NXNL2: variants seen among roughly 807,000 people sequenced by gnomAD.
NXNL2 encodes nucleoredoxin like 2.
Under a neutral mutation model 11.1 loss-of-function variants are expected in NXNL2, and 7 were observed. The observed-to-expected ratio is 0.63, with a 90% confidence interval of 0.36 to 1.18. NXNL2 has a LOEUF of 1.18. Among genes scored for constraint, NXNL2 ranks in the 50% most tolerant of loss-of-function variants. The pLI is 0.02. For synonymous variants in NXNL2, 109 were observed against 101.8 expected (o/e 1.07, Z -0.42); for missense variants, 233 against 217.7 (o/e 1.07, Z -0.44).
At chr9:88,578,350 C>T (rs1432910382), downstream of NXNL2, among the ~76,000 whole-genome samples, 2 of 152,158 alleles carry the variant, frequency 1.3e-5, no homozygotes, top group Non-Finnish European at 2.9e-5. Context: ...TGGAGTGGTC[C>T]GTGACACCTG....
chr9:88,535,504 C>G lies in NXNL2; in HGVS notation c.70C>G (p.Leu24Val), dbSNP rs1164806783. 6.2e-7 allele frequency: 1 copy of G among 1,610,328 alleles called. No individual in the cohort carries two copies. The highest frequency in any genetic ancestry group is 1.3e-5 in the African/African-American group (1 of 74,978). ...CGCGACGGTGGAGGCCGAGGCGGCG[C>G]TGCAGAACAAGGTGGTGGCACTGTA... is the stretch of plus-strand genomic sequence containing the variant. ...KGATVEAEAA[L>V]QNKVVALYFA... Residue 24 changes from leucine (L) to valine (V), a missense_variant, in exon 1 of 2, where the codon CTG (leucine) becomes GTG (valine). Physicochemically the swap from Leu to Val is conservative, Grantham distance 32. Transcript: ENST00000375854.
Position 88,583,144 on chromosome 9 carries a change from C to T in NXNL2, n.552-855C>T, listed in dbSNP as rs566975462. Among the ~76,000 whole-genome samples, 93 of 152,294 alleles carry T rather than the reference C, an allele frequency of 6.1e-4. 2 individuals are homozygous for T. The South Asian group carries it at 0.013, about 21-fold the overall frequency. On this transcript the variant is annotated intron_variant and non_coding_transcript_variant, in intron 1 of 1. Coordinates refer to the NXNL2 transcript ENST00000478686. ...GTGGCCTCTTATCCCCTGGCAGGCCCGACTGGGCTCATTCCCATGGTGGTT... is the reference window on the plus strand; with the variant it reads ...GTGGCCTCTTATCCCCTGGCAGGCCTGACTGGGCTCATTCCCATGGTGGTT...
chr9:88,565,564 C>A (rs1211217782), intron 1 of NXNL2, among the ~76,000 whole-genome samples: 1 of 152,074 alleles, frequency 6.6e-6, no homozygotes, highest in Non-Finnish European at 1.5e-5. Context: ...GAGACAGAGT[C>A]CTTCTCTGTC....
At chr9:88,579,805 C>G (rs1830389533), downstream of NXNL2, among the ~76,000 whole-genome samples, 1 of 152,118 alleles carries the variant, frequency 6.6e-6, no homozygotes. Context: ...ATGGCTATCT[C>G]TTAACCTTCT....
chr9:88,544,666 A>G lies in NXNL2; in HGVS notation c.*119A>G. 1.4e-6 allele frequency: 2 copies of G among 1,430,344 alleles called. No homozygotes were observed. The highest frequency in any genetic ancestry group is 1.8e-6 in the Non-Finnish European group (2 of 1,091,086). 88.6% of individuals were successfully genotyped at this position (1,430,344 alleles called of 1,614,324 possible). On this transcript the variant is annotated 3_prime_UTR_variant, in exon 2 of 2. Transcript: ENST00000375854. ...GTGTGATTTCATTGTATTTCAGAGC[A>G]GAAGCACTAAGCTGTGGTCAAAAAG...
chr9:88,536,073 C>T (rs898441037), intron 1 of NXNL2, among the ~76,000 whole-genome samples: 8 of 152,162 alleles, frequency 5.3e-5, no homozygotes, highest in Non-Finnish European at 1.2e-4. Context: ...TGTGAGTTCG[C>T]GGGCTCGGCT....
downstream of NXNL2, chr9:88,545,010 AG>A (rs1829828534): frequency 4.4e-6 from 2 of 459,516 alleles, no homozygotes; most frequent in South Asian, 1.9e-4. Context: ...ATTCCATTCC[AG>A]GTGCCAGTAG....
At chr9:88,540,347 A>T (rs963062558) in intron 1 of NXNL2, among the ~76,000 whole-genome samples, 2 of 150,070 alleles carry the variant, frequency 1.3e-5, no homozygotes, top group African/African-American at 5.0e-5. Context: ...AAAAAAAAAA[A>T]TAGGTGTTGT....
chr9:88,579,921 G>T (rs1395565294), downstream of NXNL2, among the ~76,000 whole-genome samples: 3 of 152,050 alleles, frequency 2.0e-5, no homozygotes, highest in Non-Finnish European at 4.4e-5. Flanking sequence ...ACGAGGTCAG[G>T]AGATCGAGAC....
At chr9:88,547,013 C>A (rs190933289), downstream of NXNL2, among the ~76,000 whole-genome samples, 2 of 152,204 alleles carry the variant, frequency 1.3e-5, no homozygotes, top group African/African-American at 4.8e-5. Context: ...TGCCACCCTG[C>A]GTGTGGACAT....
At chr9:88,548,631 C>T (rs1419962844), downstream of NXNL2, among the ~76,000 whole-genome samples, 2 of 140,176 alleles carry the variant, frequency 1.4e-5, no homozygotes, top group African/African-American at 2.8e-5. Flanking sequence ...TGCAGTGAGC[C>T]GAGATGGCAC....
intron 1 of NXNL2, among the ~76,000 whole-genome samples, chr9:88,558,557 C>A (rs1369398477): frequency 6.6e-6 from 1 of 152,160 alleles, no homozygotes; most frequent in Non-Finnish European, 1.5e-5. Context: ...TGTATAGCCA[C>A]TGGGTCAAAA....
chr9:88,577,670 G>A (rs554269629), downstream of NXNL2, among the ~76,000 whole-genome samples: 3 of 152,140 alleles, frequency 2.0e-5, no homozygotes, highest in East Asian at 1.9e-4. Context: ...GCGCAGCACC[G>A]TGCATCTGTT....
At chr9:88,563,269 T>C (rs1036818840) in intron 1 of NXNL2, among the ~76,000 whole-genome samples, 2 of 152,208 alleles carry the variant, frequency 1.3e-5, no homozygotes, top group African/African-American at 2.4e-5. Context: ...CACACGTGTG[T>C]GCACTTGGCG....
chr9:88,582,405 C>T (rs905432104), intron 1 of NXNL2, among the ~76,000 whole-genome samples: 10 of 151,952 alleles, frequency 6.6e-5, no homozygotes, highest in African/African-American at 2.4e-4. Context: ...GGAGGCGGAG[C>T]TTGCAGTGAG....
intron 1 of NXNL2, among the ~76,000 whole-genome samples, chr9:88,557,466 C>T (rs533272750): frequency 1.8e-4 from 27 of 152,274 alleles, no homozygotes; most frequent in Admixed American, 2.6e-4. Context: ...TTAAGGTAAA[C>T]GTGAATTAAG....
chr9:88,554,185 A>G (rs1829982182), intron 1 of NXNL2, among the ~76,000 whole-genome samples: 1 of 152,038 alleles, frequency 6.6e-6, no homozygotes, highest in Non-Finnish European at 1.5e-5. Flanking sequence ...CCCCATTCTG[A>G]CACCATGGCC....
intron 2 of NXNL2, among the ~76,000 whole-genome samples, chr9:88,572,033 G>C (rs1337291943): frequency 6.6e-6 from 1 of 152,174 alleles, no homozygotes; most frequent in African/African-American, 2.4e-5. Flanking sequence ...TCCCAAGGCT[G>C]AGGAGCACGT....
At position 88,535,444 on chromosome 9, in the gene NXNL2, A is replaced by G. The variant is rs530767263; in HGVS notation, c.10A>G (p.Ile4Val). MVD[I>V]LGERHLVTCK... ...GCTGCGTGTCTGCGCCATGGTTGAC[A>G]TTCTGGGCGAGCGGCACCTGGTGAC... The change falls in exon 1 of 2, where the codon ATT becomes GTT. Residue 4 changes from isoleucine to valine, a missense_variant. Physicochemically the swap from Ile to Val is conservative, Grantham distance 29 (BLOSUM62 3). Transcript: ENST00000375854. The G allele has an allele frequency of 6.2e-7, 1 of 1,600,728 alleles. No homozygotes were observed. The highest frequency in any genetic ancestry group is 1.1e-5 in the South Asian group (1 of 90,238).
Sources: gnomAD v4.1 joint callset for allele counts (sites outside exome capture counted in the v4.1 genomes callset) on GRCh38, gnomAD v4.1.1 for gene constraint, MANE v1.5 for transcripts, NCBI Gene and HGNC (gene_info 2026-07-23, HGNC 2026-07-21) for gene names.